FGGY: variants seen among roughly 807,000 people sequenced by gnomAD.
The protein encoded by FGGY is FGGY carbohydrate kinase domain-containing protein.
A neutral mutation model predicts 71.3 loss-of-function variants in FGGY; 72 were observed. The ratio of observed to expected loss-of-function variants is 1.01; its 90% CI spans 0.84 to 1.23. The LOEUF (loss-of-function observed/expected upper bound fraction) is 1.23, where lower values mean the gene tolerates loss of function less well. Ranked by LOEUF, FGGY falls within the 50% of genes most tolerant of loss-of-function variation. FGGY has a pLI of 0.00. For synonymous variants in FGGY, 251 were observed against 250.3 expected (o/e 1.00, Z -0.02); for missense variants, 668 against 682.3 (o/e 0.98, Z 0.23).
At chr1:59,417,169 C>G (rs2064609796) in intron 5 of FGGY, among the ~76,000 whole-genome samples, 1 of 152,144 alleles carries the variant, frequency 6.6e-6, no homozygotes, top group African/African-American at 2.4e-5. Flanking sequence ...CTTTCTTTCT[C>G]TATGGATTTT....
intron 11 of FGGY, among the ~76,000 whole-genome samples, chr1:59,639,595 A>T (rs1466545320): frequency 6.6e-6 from 1 of 152,162 alleles, no homozygotes; most frequent in African/African-American, 2.4e-5. Flanking sequence ...TAGGGGAAGA[A>T]CACATTTCAT....
At chr1:59,313,242 C>T (rs942050752) in intron 1 of FGGY, among the ~76,000 whole-genome samples, 2 of 152,138 alleles carry the variant, frequency 1.3e-5, no homozygotes, top group Non-Finnish European at 2.9e-5. Context: ...TCCCAAAGGT[C>T]CCACTTTTTA....
At chr1:59,381,457 C>T (rs907046959) in intron 5 of FGGY, among the ~76,000 whole-genome samples, 4 of 151,852 alleles carry the variant, frequency 2.6e-5, no homozygotes, top group Non-Finnish European at 5.9e-5. Flanking sequence ...TTAAACTTTT[C>T]TGTTAAAAGC....
intron 11 of FGGY, chr1:59,641,393 G>C: frequency 1.3e-6 from 2 of 1,527,134 alleles, no homozygotes; most frequent in Non-Finnish European, 1.8e-6. Flanking sequence ...CCCATTCACT[G>C]TGTTTTTATT....
chr1:59,704,481 CAT>C (rs1293071853), intron 14 of FGGY, among the ~76,000 whole-genome samples: 1 of 151,856 alleles, frequency 6.6e-6, no homozygotes, highest in African/African-American at 2.4e-5. Context: ...TATTCACAGA[CAT>C]ATATATACAC....
intron 7 of FGGY, among the ~76,000 whole-genome samples, chr1:59,529,060 T>C (rs2095068542): frequency 6.6e-6 from 1 of 152,230 alleles, no homozygotes; most frequent in African/African-American, 2.4e-5. Flanking sequence ...GTCATCTTCA[T>C]CTCTGTGTCT....
chr1:59,698,654 A>C, intron 14 of FGGY: 1 of 660,392 alleles, frequency 1.5e-6, no homozygotes, highest in Non-Finnish European at 1.9e-6. Context: ...CTTGCTTCTG[A>C]CCCACCTCTC....
intron 8 of FGGY, among the ~76,000 whole-genome samples, chr1:59,593,006 C>G (rs1463287325): frequency 1.3e-5 from 2 of 152,140 alleles, no homozygotes; most frequent in South Asian, 2.1e-4. Flanking sequence ...GCCTCTTTTC[C>G]TCTGTGTAGA....
chr1:59,422,113 A>C (rs1045450238), intron 5 of FGGY, among the ~76,000 whole-genome samples: 4 of 152,324 alleles, frequency 2.6e-5, no homozygotes, highest in East Asian at 1.9e-4. Context: ...AATCACCTGG[A>C]GAGATTTTCA....
chr1:59,465,927 T>C (rs2092595908), intron 6 of FGGY, among the ~76,000 whole-genome samples: 1 of 152,216 alleles, frequency 6.6e-6, no homozygotes, highest in Non-Finnish European at 1.5e-5. Context: ...ATTGCCATAC[T>C]GCCCAAGGTA....
At chr1:59,342,865 A>G (rs1270054100) in intron 3 of FGGY, among the ~76,000 whole-genome samples, 1 of 152,200 alleles carries the variant, frequency 6.6e-6, no homozygotes, top group Admixed American at 6.5e-5. Context: ...ATTAAGTACA[A>G]TAGTTTAAGA....
At chr1:59,670,831 T>C (rs921664374) in intron 13 of FGGY, among the ~76,000 whole-genome samples, 2 of 152,202 alleles carry the variant, frequency 1.3e-5, no homozygotes, top group African/African-American at 4.8e-5. Context: ...GCTGTCTACA[T>C]GAGGAGGAAG....
chr1:59,627,489 T>TATATATAC (rs1469493501), intron 10 of FGGY, among the ~76,000 whole-genome samples: 135 of 92,722 alleles, frequency 1.5e-3, no homozygotes, highest in South Asian at 6.8e-3. Context: ...TATATATATA[T>TATATATAC]ACACACACAC....
intron 14 of FGGY, among the ~76,000 whole-genome samples, chr1:59,691,149 C>T (rs1034797123): frequency 6.6e-6 from 1 of 152,256 alleles, no homozygotes; most frequent in Non-Finnish European, 1.5e-5. Flanking sequence ...TTCCCCACTG[C>T]CTGGCAGCCT....
At chr1:59,347,074 T>C (rs1250413886) in intron 4 of FGGY, among the ~76,000 whole-genome samples, 3 of 141,900 alleles carry the variant, frequency 2.1e-5, no homozygotes, top group Non-Finnish European at 3.0e-5. Context: ...CTTTATGCCT[T>C]TTTTTTCCTC....
chr1:59,716,760 T>C (rs1234821161), intron 14 of FGGY, among the ~76,000 whole-genome samples: 2 of 152,122 alleles, frequency 1.3e-5, no homozygotes, highest in East Asian at 3.9e-4. Flanking sequence ...CCTGGTCAAA[T>C]GTGAACTGTG....
chr1:59,362,055 G>T (rs767559474), intron 4 of FGGY, among the ~76,000 whole-genome samples: 32 of 152,168 alleles, frequency 2.1e-4, no homozygotes, highest in Non-Finnish European at 3.7e-4. Flanking sequence ...TCGATGCTTT[G>T]TCTTGCTGGG....
intron 4 of FGGY, among the ~76,000 whole-genome samples, chr1:59,368,356 A>G (rs533296873): frequency 6.6e-6 from 1 of 152,216 alleles, no homozygotes; most frequent in African/African-American, 2.4e-5. Context: ...AAAAGGCCCA[A>G]AATCACACCT....
intron 8 of FGGY, among the ~76,000 whole-genome samples, chr1:59,585,047 A>G (rs2096260772): frequency 6.6e-6 from 1 of 152,202 alleles, no homozygotes; most frequent in South Asian, 2.1e-4. Context: ...AGAACATTCC[A>G]TGCTCATGGG....
Sources: allele counts gnomAD v4.1 joint callset (sites outside exome capture counted in the v4.1 genomes callset), GRCh38; gene constraint gnomAD v4.1.1; transcripts MANE v1.5; gene names NCBI Gene and HGNC (gene_info 2026-07-23, HGNC 2026-07-21).